ADGRE5: variants seen among roughly 807,000 people sequenced by gnomAD.
ADGRE5 encodes the protein adhesion G protein-coupled receptor E5.
ADGRE5 carries 72 observed loss-of-function variants against 100.3 expected under a neutral mutation model. That is an observed-to-expected ratio of 0.72 (90% confidence interval 0.59 to 0.87). The LOEUF (loss-of-function observed/expected upper bound fraction) is 0.87. ADGRE5 is among the 40% of genes least tolerant of loss of function. ADGRE5 has a pLI of 0.00. For missense variants in ADGRE5, 959 were observed against 1,094.7 expected, an observed-to-expected ratio of 0.88 and a Z score of 1.75; for synonymous variants, 439 against 447.8, an observed-to-expected ratio of 0.98 and a Z score of 0.25.
intron 9 of ADGRE5, among the ~76,000 whole-genome samples, chr19:14,399,539 G>A (rs1335674364): frequency 1.4e-5 from 2 of 140,684 alleles, no homozygotes; most frequent in African/African-American, 5.4e-5. Context: ...ACTCCAGCCT[G>A]GGCGACAGAG....
intron 1 of ADGRE5, among the ~76,000 whole-genome samples, chr19:14,383,146 T>G (rs540955028): frequency 6.6e-6 from 1 of 152,258 alleles, no homozygotes; most frequent in Admixed American, 6.5e-5. Context: ...GAAGCTGCAG[T>G]GAGCTGTGTT....
intron 1 of ADGRE5, among the ~76,000 whole-genome samples, chr19:14,382,709 AT>A (rs35624101): frequency 0.39 from 54,564 of 140,884 alleles, 11,794 homozygotes; most frequent in African/African-American, 0.64. Context: ...CCAAAAACAA[AT>A]TTTTTTTTTT....
chr19:14,398,066 T>C lies in ADGRE5; in HGVS notation c.824T>C (p.Leu275Pro), dbSNP rs1975852262. ...TPPPGVHSQT[L>P]SRFFDKVQDL... Reference sequence around the variant, plus strand: ...CCACATCTCCTCTCTCTGCAGACGCTTTCCCGATTCTTCGACAAAGTCCAG... The same window carrying C: ...CCACATCTCCTCTCTCTGCAGACGCCTTCCCGATTCTTCGACAAAGTCCAG... The change falls in exon 9 of 20, where the codon CTT becomes CCT. Residue 275 changes from leucine to proline, a missense_variant. Transcript: ENST00000242786. 6.2e-7 allele frequency: 1 copy of C among 1,613,662 alleles called. No individual in the cohort carries two copies. The highest frequency in any genetic ancestry group is 1.3e-5 in the African/African-American group (1 of 74,756).
At chr19:14,405,496 C>T in intron 13 of ADGRE5, 1 of 474,936 alleles carries the variant, frequency 2.1e-6, no homozygotes, top group South Asian at 3.4e-5. Flanking sequence ...TTAAGCTGGG[C>T]CTTGTCGAAA....
Position 14,387,136 on chromosome 19 carries a change from G to A in ADGRE5, c.23-1314G>A, listed in dbSNP as rs1016095387. 1.3e-5 allele frequency among the ~76,000 whole-genome samples: 2 copies of A among 152,196 alleles called. 1 individual carries two copies. The highest frequency in any genetic ancestry group is 4.8e-5 in the African/African-American group (2 of 41,450). ...CCACACACACTACACTGGGGAGTGG[G>A]CGCCATCATCCCTATTCTACAGAGG... On this transcript the variant is annotated intron_variant, in intron 1 of 19. Coordinates refer to ENST00000242786, the MANE Select transcript of ADGRE5 (RefSeq NM_078481.4).
chr19:14,383,831 G>A (rs780098898), intron 1 of ADGRE5, among the ~76,000 whole-genome samples: 16 of 151,726 alleles, frequency 1.1e-4, no homozygotes, highest in Non-Finnish European at 1.8e-4. Context: ...GAGGGGATGG[G>A]GCACAAAGGA....
Position 14,401,716 on chromosome 19 carries a change from G to T in ADGRE5, c.1139G>T (p.Arg380Leu), listed in dbSNP as rs149991001. 1.3e-6 allele frequency: 2 copies of T among 1,578,870 alleles called. No homozygotes were observed. The highest frequency in any genetic ancestry group is 1.8e-5 in the Admixed American group (1 of 54,274). The change falls in exon 11 of 20, where the codon CGC becomes CTC. Residue 380 changes from arginine to leucine, a missense_variant. Coordinates refer to ENST00000242786, the MANE Select transcript of ADGRE5 (RefSeq NM_078481.4). This position sits in a 1 kb window ranked among gnomAD's most constrained non-coding sequence, Gnocchi z 4.1. ...KNVTMGQSSA[R>L]MKLNWAVAAG... The stretch of plus-strand genomic sequence containing the variant: ...GTCACTATGGGTCAGAGCAGCGCAC[G>T]CATGAAGCTGAATTGGGCTGTGGCA...
chr19:14,403,501 C>T (rs1358215674), intron 12 of ADGRE5, among the ~76,000 whole-genome samples: 1 of 152,034 alleles, frequency 6.6e-6, no homozygotes, highest in Non-Finnish European at 1.5e-5. Context: ...TACAGGCATG[C>T]ACCACCACTC....
In ADGRE5 at chr19:14,401,385, G is replaced by A. The variant is rs2146368853; in HGVS notation, c.898-1G>A. 1 of 1,613,830 alleles carries A rather than the reference G, an allele frequency of 6.2e-7. No homozygotes were observed. The highest frequency in any genetic ancestry group is 8.5e-7 in the Non-Finnish European group (1 of 1,179,850). ...CGATTCTGTCACCCGCCACCCCCTA[G>A]AATGTCATCAAATTGGTGGATGAAC... On this transcript the variant is annotated splice_acceptor_variant, in intron 9 of 19. Coordinates refer to ENST00000242786, the MANE Select transcript of ADGRE5 (RefSeq NM_078481.4). LOFTEE classifies it high-confidence loss of function. This position sits in a 1 kb window ranked among gnomAD's most constrained non-coding sequence, Gnocchi z 4.1.
chr19:14,404,476 G>GTGC lies in ADGRE5; in HGVS notation c.1546_1548dup (p.Leu516dup), dbSNP rs755077297. 3.8e-5 allele frequency: 62 copies of GTGC among 1,612,472 alleles called. No individual in the cohort carries two copies. Among genetic ancestry groups the GTGC allele is most frequent in the Non-Finnish European group, 1.4e-5 (16 of 1,179,656 alleles). On this transcript the variant is annotated inframe_insertion, in exon 13 of 20. Transcript: ENST00000242786. Reference sequence around the variant, plus strand: ...GCACTGGGCCACCGAGGGCTGCCAGGTGCTGGGCAGCAAGAACGGCAGCAC... The same window carrying GTGC: ...GCACTGGGCCACCGAGGGCTGCCAGGTGCTGCTGGGCAGCAAGAACGGCAGCAC...
intron 18 of ADGRE5, 74 bp from the exon 19 acceptor site, chr19:14,407,834 A>T: frequency 8.0e-7 from 1 of 1,257,308 alleles, no homozygotes; most frequent in East Asian, 2.4e-5. Context: ...GGTGGGGCTG[A>T]GGGCAGAGCA....
In ADGRE5 at chr19:14,398,112, G is replaced by A. The variant is rs1204014891; in HGVS notation, c.870G>A (p.Lys290=). ...DKVQDLGRDS[K]TSSAEVTIQN... is the part of the protein sequence containing the mutation. Reference sequence around the variant, plus strand: ...TCCAGGACCTGGGCAGAGACTCCAAGACAAGCTCAGCCGAGGTCACCATCC... The same window carrying A: ...TCCAGGACCTGGGCAGAGACTCCAAAACAAGCTCAGCCGAGGTCACCATCC... Residue 290 remains lysine, a synonymous_variant, in exon 9 of 20, where the codon AAG becomes AAA. Coordinates refer to ENST00000242786, the MANE Select transcript of ADGRE5 (RefSeq NM_078481.4). 3.1e-6 allele frequency: 5 copies of A among 1,614,172 alleles called. No individual in the cohort carries two copies. In the South Asian group the frequency reaches 4.4e-5, roughly 14 times the overall value.
Position 14,401,813 on chromosome 19 carries a change from G to A in ADGRE5, c.1183+53G>A. ...CCGTGGGAGAGAGATGGAGGTGCTG[G>A]GATGGGGCCAGGGTGAGGTTCAGAA... is the stretch of plus-strand genomic sequence containing the variant. On this transcript the variant is annotated intron_variant, in intron 11 of 19. Coordinates refer to ENST00000242786, the MANE Select transcript of ADGRE5 (RefSeq NM_078481.4). This position sits in a 1 kb window ranked among gnomAD's most constrained non-coding sequence, Gnocchi z 4.1. 1.9e-5 allele frequency: 24 copies of A among 1,254,350 alleles called. No individual in the cohort carries two copies. The highest frequency in any genetic ancestry group is 2.7e-5 in the Non-Finnish European group (24 of 903,056). The allele number at this position is 1,254,350 out of a possible 1,614,324, so 77.7% of individuals were successfully genotyped here.
chr19:14,390,854 A>T, intron 3 of ADGRE5, 70 bp from the exon 4 acceptor site: 1 of 1,570,696 alleles, frequency 6.4e-7, no homozygotes, highest in Non-Finnish European at 8.7e-7. Context: ...TTGGGGAGTC[A>T]GGATGGGGGT....
intron 1 of ADGRE5, among the ~76,000 whole-genome samples, chr19:14,382,078 C>T (rs10424904): frequency 0.043 from 6,480 of 152,214 alleles, 476 homozygotes; most frequent in African/African-American, 0.15. Context: ...GGGACTTTGC[C>T]TGGTTCTGGG....
In ADGRE5 at chr19:14,402,787, C is replaced by A; in HGVS notation, c.1374C>A (p.Leu458=). 1 of 1,614,158 alleles carries A rather than the reference C, an allele frequency of 6.2e-7. No homozygotes were observed. ...TGAGCCACAACAACACCAAGGAACT[C>A]AACTCCCCCATCCTTTTCGCCTTCT... The part of the protein sequence containing the change: ...IFLSHNNTKE[L]NSPILFAFSH... Residue 458 remains leucine, a synonymous_variant, in exon 12 of 20, where the codon CTC becomes CTA. Coordinates refer to ENST00000242786, the MANE Select transcript of ADGRE5 (RefSeq NM_078481.4).
At chr19:14,384,774 A>T (rs1975275624) in intron 1 of ADGRE5, among the ~76,000 whole-genome samples, 2 of 137,084 alleles carry the variant, frequency 1.5e-5, no homozygotes, top group Admixed American at 7.3e-5. Context: ...TTCTCTCTCC[A>T]CCTCTCTCTA....
rs138222469 is a variant in ADGRE5, at chr19:14,407,085, G to A, written c.2232G>A (p.Ala744=). The A allele has an allele frequency of 4.5e-4, 729 of 1,614,108 alleles. No homozygotes were observed. Among genetic ancestry groups the A allele is most frequent in the African/African-American group, 4.0e-3 (298 of 75,062 alleles). The change falls in exon 18 of 20, where the codon GCG becomes GCA. Residue 744 remains alanine, a synonymous_variant. Coordinates refer to ENST00000242786, the MANE Select transcript of ADGRE5 (RefSeq NM_078481.4). ...KARALTITAI[A]QLFLLGCTWV... ...GGGCGCTGACCATCACGGCCATCGCGCAGCTCTTCCTGTTGGGCTGCACCT... is the reference window on the plus strand; with the variant it reads ...GGGCGCTGACCATCACGGCCATCGCACAGCTCTTCCTGTTGGGCTGCACCT...
intron 9 of ADGRE5, 92 bp downstream of exon 9, chr19:14,398,231 G>A: frequency 8.7e-7 from 1 of 1,155,006 alleles, no homozygotes; most frequent in Non-Finnish European, 1.3e-6. Flanking sequence ...ACCCAAGCAG[G>A]GGCCTCTAGT....
Sources: gnomAD v4.1 joint callset for allele counts (sites outside exome capture counted in the v4.1 genomes callset) on GRCh38, gnomAD v4.1.1 for gene constraint, Gnocchi (gnomAD v3.1) non-coding constraint, MANE v1.5 for transcripts, NCBI Gene and HGNC (gene_info 2026-07-23, HGNC 2026-07-21) for gene names.